The following PPP2R2B variants were observed in gnomAD, a reference collection of about 807,000 sequenced individuals.
The protein encoded by PPP2R2B is serine/threonine-protein phosphatase 2A 55 kDa regulatory subunit B beta isoform.
Under a neutral mutation model 46.0 loss-of-function variants are expected in PPP2R2B, and 5 were observed. That is an observed-to-expected ratio of 0.11 (90% CI 0.06 to 0.23). PPP2R2B has a LOEUF of 0.23. Among genes scored for constraint, PPP2R2B ranks in the 10% least tolerant of loss-of-function variants. PPP2R2B has a pLI of 1.00. For synonymous variants in PPP2R2B, 215 were observed against 206.7 expected, an observed-to-expected ratio of 1.04 and a Z score of -0.34; for missense variants, 367 against 575.0, an observed-to-expected ratio of 0.64 and a Z score of 3.70.
intron 1 of PPP2R2B, chr5:147,035,154 G>C (rs1469260484): frequency 4.4e-6 from 2 of 454,800 alleles, no homozygotes; most frequent in Non-Finnish European, 8.8e-6. Context: ...ATAAAGAAAA[G>C]TTTAATTGAC....
intron 1 of PPP2R2B, among the ~76,000 whole-genome samples, chr5:147,025,187 A>C (rs1251309319): frequency 6.6e-6 from 1 of 152,070 alleles, no homozygotes; most frequent in African/African-American, 2.4e-5. Flanking sequence ...TTCAGAGGAA[A>C]TAGACAATTT....
intron 1 of PPP2R2B, among the ~76,000 whole-genome samples, chr5:146,895,752 T>C (rs1762625741): frequency 6.6e-6 from 1 of 152,178 alleles, no homozygotes; most frequent in African/African-American, 2.4e-5. Flanking sequence ...TGGCTTCTCT[T>C]GAAATAAATG....
At chr5:146,961,666 C>A (rs1752178259) in intron 1 of PPP2R2B, among the ~76,000 whole-genome samples, 1 of 152,072 alleles carries the variant, frequency 6.6e-6, no homozygotes, top group South Asian at 2.1e-4. Context: ...AGAGTATTAA[C>A]CCATTGAAAA....
At chr5:146,948,883 G>C (rs1764569374) in intron 1 of PPP2R2B, among the ~76,000 whole-genome samples, 1 of 152,090 alleles carries the variant, frequency 6.6e-6, no homozygotes, top group African/African-American at 2.4e-5. Context: ...TGAGGGCATA[G>C]AGTAATGTTT....
At chr5:146,994,690 G>A (rs778085712) in intron 1 of PPP2R2B, among the ~76,000 whole-genome samples, 2 of 152,048 alleles carry the variant, frequency 1.3e-5, no homozygotes, top group South Asian at 2.1e-4. Flanking sequence ...TCCAAGACCC[G>A]CTCTGCCCAA....
chr5:146,865,509 A>G (rs538808949), intron 2 of PPP2R2B, among the ~76,000 whole-genome samples: 2 of 152,274 alleles, frequency 1.3e-5, no homozygotes, highest in South Asian at 4.1e-4. Flanking sequence ...ATTCATATTC[A>G]CGTGTGTTTT....
rs181393454 is a variant in PPP2R2B at position 146,805,047 on chromosome 5, T to C, written c.70+72955A>G. ...AACGGCAATTCTCCTCCTCAAGCTG[T>C]GAGGTCAGATTTTATGTGCTGGGAA... On this transcript the variant is annotated intron_variant, in intron 2 of 9. Coordinates refer to ENST00000394411, the MANE Select transcript of PPP2R2B (RefSeq NM_181675.4). Among the ~76,000 whole-genome samples the C allele has an allele frequency of 2.0e-5, 3 of 152,300 alleles. No homozygotes were observed. The East Asian group carries it at 5.8e-4, about 29-fold the overall frequency.
At chr5:146,808,834 A>C (rs992034467) in intron 2 of PPP2R2B, among the ~76,000 whole-genome samples, 1 of 152,194 alleles carries the variant, frequency 6.6e-6, no homozygotes, top group Non-Finnish European at 1.5e-5. Flanking sequence ...TTCTACTTTC[A>C]TGTTGGAGTT....
At chr5:146,918,934 T>A (rs1392327254) in intron 1 of PPP2R2B, among the ~76,000 whole-genome samples, 1 of 152,242 alleles carries the variant, frequency 6.6e-6, no homozygotes, top group Non-Finnish European at 1.5e-5. Context: ...ATTTAACCTC[T>A]ACGAAGGCTG....
chr5:146,749,770 T>C (rs1002469599), intron 2 of PPP2R2B, among the ~76,000 whole-genome samples: 2 of 152,064 alleles, frequency 1.3e-5, no homozygotes, highest in African/African-American at 2.4e-5. Context: ...GGCTAATTTT[T>C]TGTATTTTTA....
chr5:146,861,721 A>G (rs981789984), intron 2 of PPP2R2B, among the ~76,000 whole-genome samples: 1 of 152,192 alleles, frequency 6.6e-6, no homozygotes, highest in African/African-American at 2.4e-5. Flanking sequence ...CTGAGTTATC[A>G]ATATATTTTT....
intron 2 of PPP2R2B, among the ~76,000 whole-genome samples, chr5:146,839,299 T>A (rs531752936): frequency 1.6e-4 from 24 of 152,278 alleles, no homozygotes; most frequent in Admixed American, 1.4e-3. Context: ...AGTAGGCAGA[T>A]CACCTGAGGT....
intron 2 of PPP2R2B, among the ~76,000 whole-genome samples, chr5:146,718,311 C>A (rs1470052955): frequency 6.6e-6 from 1 of 151,850 alleles, no homozygotes; most frequent in African/African-American, 2.4e-5. Flanking sequence ...CAGATTGAGC[C>A]CAGGAGGTTG....
intron 1 of PPP2R2B, among the ~76,000 whole-genome samples, chr5:147,048,956 C>T (rs987952747): frequency 3.3e-5 from 5 of 151,860 alleles, no homozygotes; most frequent in African/African-American, 1.2e-4. Flanking sequence ...TGGGAAAGGA[C>T]AGGCAAAAAA....
At chr5:146,981,244 T>G (rs1294513800) in intron 1 of PPP2R2B, among the ~76,000 whole-genome samples, 1 of 152,194 alleles carries the variant, frequency 6.6e-6, no homozygotes, top group East Asian at 1.9e-4. Flanking sequence ...TTCTTCTTAC[T>G]GAAGTTCATA....
In PPP2R2B at chr5:146,651,101, A is replaced by G. The variant is rs140766810; in HGVS notation, c.448-377T>C. Among the ~76,000 whole-genome samples the G allele has an allele frequency of 4.4e-3, 667 of 152,246 alleles. 6 individuals are homozygous for G. Among genetic ancestry groups the G allele is most frequent in the African/African-American group, 0.015 (642 of 41,526 alleles). Reference sequence around the variant, plus strand: ...TCTATTTAAAAAAGGGAGTTGTGGGAAAATTTTAGAAATGTCTAGTTCAAC... The same window carrying G: ...TCTATTTAAAAAAGGGAGTTGTGGGGAAATTTTAGAAATGTCTAGTTCAAC... On this transcript the variant is annotated intron_variant, in intron 5 of 9. Transcript: ENST00000394411.
chr5:146,897,470 A>G (rs1049891976), intron 1 of PPP2R2B, among the ~76,000 whole-genome samples: 4 of 152,190 alleles, frequency 2.6e-5, no homozygotes, highest in Admixed American at 2.0e-4. Flanking sequence ...ATTAGGGACT[A>G]CAAAATACAA....
chr5:146,922,300 G>A (rs1298231880), intron 1 of PPP2R2B: 1 of 152,118 alleles, frequency 6.6e-6, no homozygotes, highest in African/African-American at 2.4e-5. Context: ...TTAGTACTGT[G>A]TATCAAAATG....
At chr5:146,761,616 GTAA>G (rs1186158521) in intron 2 of PPP2R2B, among the ~76,000 whole-genome samples, 5 of 151,160 alleles carry the variant, frequency 3.3e-5, no homozygotes, top group Admixed American at 3.3e-4. Context: ...TTAAAGTATA[GTAA>G]TAATAAAATT....
Sources: gnomAD v4.1 joint callset for allele counts (sites outside exome capture counted in the v4.1 genomes callset) on GRCh38, gnomAD v4.1.1 for gene constraint, MANE v1.5 for transcripts, NCBI Gene and HGNC (gene_info 2026-07-23, HGNC 2026-07-21) for gene names.